The following POLR3GL variants were observed in gnomAD, a reference collection of about 807,000 sequenced individuals.
POLR3GL encodes RNA polymerase III subunit GL.
POLR3GL carries 26 observed loss-of-function variants against 32.4 expected under a neutral mutation model. That is an observed-to-expected ratio of 0.80 (90% CI 0.59 to 1.11). The LOEUF is 1.11. POLR3GL is among the 50% of genes most tolerant of loss of function. The pLI is 0.00. For synonymous variants in POLR3GL, 95 were observed against 98.7 expected (o/e 0.96, Z 0.22); for missense variants, 229 against 280.1 (o/e 0.82, Z 1.30).
chr1:145,969,341 T>C (rs1553762338), intron 1 of POLR3GL, among the ~76,000 whole-genome samples: 2 of 151,950 alleles, frequency 1.3e-5, no homozygotes, highest in African/African-American at 2.4e-5. Flanking sequence ...CTCGGCTCAC[T>C]GCAACCTCCA....
chr1:145,975,118 A>T (rs1650493608), intron 2 of POLR3GL, 127 bp downstream of exon 2: 2 of 1,331,252 alleles, frequency 1.5e-6, no homozygotes, highest in African/African-American at 2.9e-5. Flanking sequence ...CCCAATGCAC[A>T]GGGATGTTTT....
chr1:145,978,642 C>T lies in POLR3GL; in HGVS notation c.*195C>T. 2 of 588,606 alleles carry T rather than the reference C, an allele frequency of 3.4e-6. No homozygotes were observed. The highest frequency in any genetic ancestry group is 5.6e-5 in the East Asian group (2 of 35,780). The allele number at this position is 588,606 out of a possible 1,614,324, so 36.5% of individuals were successfully genotyped here. A position where few individuals can be genotyped will look rare whatever the true frequency, so the allele number is the denominator to read the frequency against. On this transcript the variant is annotated 3_prime_UTR_variant, in exon 8 of 8. Transcript: ENST00000369314. The stretch of plus-strand genomic sequence containing the variant: ...TCCACATTTGTATCACCTTTGCTAT[C>T]TTGGGGAAAGTGCAAAGGACAAACA...
intron 7 of POLR3GL, 21 bp downstream of exon 7, chr1:145,978,117 C>T (rs1650648805): frequency 6.3e-7 from 1 of 1,576,396 alleles, no homozygotes; most frequent in Non-Finnish European, 8.6e-7. Context: ...CTCCTTCCAC[C>T]TTAGTCCCCC....
intron 3 of POLR3GL, among the ~76,000 whole-genome samples, chr1:145,976,397 T>C (rs1338117988): frequency 6.7e-6 from 1 of 150,308 alleles, no homozygotes; most frequent in Non-Finnish European, 1.5e-5. Context: ...GCCAACATAG[T>C]GAAACCCCGT....
chr1:145,974,748 A>T, intron 1 of POLR3GL, 77 bp from the exon 2 acceptor site: 1 of 1,004,162 alleles, frequency 1.0e-6, no homozygotes, highest in Middle Eastern at 2.7e-4. Flanking sequence ...GAGATAAAAG[A>T]TTGAATGTCT....
chr1:145,972,971 TTA>T (rs1474992063), intron 1 of POLR3GL, among the ~76,000 whole-genome samples: 9 of 152,132 alleles, frequency 5.9e-5, no homozygotes, highest in African/African-American at 2.2e-4. Context: ...AGTGCTGGGA[TTA>T]TAGCAATGAG....
At position 145,975,659 on chromosome 1, in the gene POLR3GL, G is replaced by A. The variant is rs587675869; in HGVS notation, c.256+223G>A. Among the ~76,000 whole-genome samples the A allele has an allele frequency of 3.9e-5, 6 of 152,238 alleles. No homozygotes were observed. In the South Asian group the frequency reaches 8.3e-4, roughly 21 times the overall value. ...GTTAAATATTAAAATCCCATTTCACGTGTATAAGTAGGGGGATGTATTTTC... is the reference window on the plus strand; with the variant it reads ...GTTAAATATTAAAATCCCATTTCACATGTATAAGTAGGGGGATGTATTTTC... On this transcript the variant is annotated intron_variant, in intron 3 of 7. Coordinates refer to ENST00000369314, the MANE Select transcript of POLR3GL (RefSeq NM_032305.3).
At chr1:145,967,623 G>T (rs1310331430) in intron 1 of POLR3GL, among the ~76,000 whole-genome samples, 1 of 152,112 alleles carries the variant, frequency 6.6e-6, no homozygotes, top group Non-Finnish European at 1.5e-5. Context: ...ACACATCAGC[G>T]TGCCCCAGGC....
intron 1 of POLR3GL, among the ~76,000 whole-genome samples, chr1:145,965,785 T>C (rs1570987578): frequency 1.3e-5 from 2 of 152,164 alleles, no homozygotes; most frequent in Non-Finnish European, 2.9e-5. Context: ...AAGAAATATA[T>C]AGCTAAAGGA....
At position 145,977,868 on chromosome 1, in the gene POLR3GL, C is replaced by G. The variant is rs1553763751; in HGVS notation, c.456+17C>G. Reference sequence around the variant, plus strand: ...AAACTAGAGGTGAGGAGGAAGTGTGCATAGAGACCTCCTGAGCCCTGGATC... The same window carrying G: ...AAACTAGAGGTGAGGAGGAAGTGTGGATAGAGACCTCCTGAGCCCTGGATC... On this transcript the variant is annotated intron_variant, in intron 6 of 7. Transcript: ENST00000369314. The G allele has an allele frequency of 6.2e-7, 1 of 1,612,872 alleles. No homozygotes were observed. The highest frequency in any genetic ancestry group is 8.5e-7 in the Non-Finnish European group (1 of 1,178,910).
chr1:145,977,214 T>C, intron 4 of POLR3GL, 62 bp downstream of exon 4: 1 of 1,406,546 alleles, frequency 7.1e-7, no homozygotes, highest in Non-Finnish European at 1.0e-6. Flanking sequence ...CTTCAAGCTA[T>C]TCCCACCACG....
intron 1 of POLR3GL, among the ~76,000 whole-genome samples, chr1:145,969,373 T>C (rs902733938): frequency 4.6e-5 from 7 of 151,944 alleles, no homozygotes; most frequent in African/African-American, 1.7e-4. Flanking sequence ...CAAGCGATTC[T>C]CCTGCCTCAG....
intron 1 of POLR3GL, among the ~76,000 whole-genome samples, chr1:145,966,116 CAAA>C (rs58691867): frequency 2.7e-4 from 10 of 37,142 alleles, no homozygotes; most frequent in African/African-American, 9.5e-4. Context: ...AACTCCCTCT[CAAA>C]AAAAAAAAAA....
chr1:145,972,012 A>ATATGTGTGTG (rs782186587), intron 1 of POLR3GL, among the ~76,000 whole-genome samples: 1 of 112,602 alleles, frequency 8.9e-6, no homozygotes, highest in African/African-American at 4.1e-5. Context: ...ATATATATAT[A>ATATGTGTGTG]CGTGTGTGTG....
chr1:145,976,912 C>CT (rs1650579519), intron 3 of POLR3GL, among the ~76,000 whole-genome samples, 172 bp from the exon 4 acceptor site: 1 of 101,486 alleles, frequency 9.9e-6, no homozygotes. Flanking sequence ...GACTCTGTCT[C>CT]AAAAAAAAAA....
intron 3 of POLR3GL, 128 bp from the exon 4 acceptor site, chr1:145,976,956 G>T: frequency 8.9e-6 from 6 of 670,656 alleles, no homozygotes; most frequent in Non-Finnish European, 1.3e-5. Flanking sequence ...CACTGAAGCT[G>T]ACCCCCTGGG....
chr1:145,975,554 A>G (rs1443747241), intron 3 of POLR3GL, 118 bp downstream of exon 3: 9 of 1,148,054 alleles, frequency 7.8e-6, no homozygotes, highest in Middle Eastern at 4.3e-4. Flanking sequence ...GGAGATCATA[A>G]TAGTTACCCC....
In POLR3GL at chr1:145,975,278, T is replaced by C. The variant is rs145172148; in HGVS notation, c.127-29T>C. 2.3e-4 allele frequency: 374 copies of C among 1,608,820 alleles called. No individual in the cohort carries two copies. In the African/African-American group the frequency reaches 4.3e-3, roughly 19 times the overall value. On this transcript the variant is annotated intron_variant, in intron 2 of 7. Coordinates refer to ENST00000369314, the MANE Select transcript of POLR3GL (RefSeq NM_032305.3). ...TAAATTTGTACTAGCATTTTCTCCC[T>C]GAACTGACCACTGCCCCTGCCTCTT...
Position 145,978,783 on chromosome 1 carries a change from G to A in POLR3GL, c.*336G>A, listed in dbSNP as rs1208003227. The A allele has an allele frequency of 8.4e-6, 2 of 238,316 alleles. No homozygotes were observed. The highest frequency in any genetic ancestry group is 1.6e-5 in the Non-Finnish European group (2 of 123,280). 14.8% of individuals were successfully genotyped at this position (238,316 alleles called of 1,614,324 possible). On this transcript the variant is annotated 3_prime_UTR_variant, in exon 8 of 8. Coordinates refer to ENST00000369314, the MANE Select transcript of POLR3GL (RefSeq NM_032305.3). Reference sequence around the variant, plus strand: ...ATATAGCTCTTTGTGGAGATAATTAGGGGTGGGAGCAGTTTGAAGGAGTAA... The same window carrying A: ...ATATAGCTCTTTGTGGAGATAATTAAGGGTGGGAGCAGTTTGAAGGAGTAA...
Sources: gnomAD v4.1 joint callset for allele counts (sites outside exome capture counted in the v4.1 genomes callset) on GRCh38, gnomAD v4.1.1 for gene constraint, MANE v1.5 for transcripts, NCBI Gene and HGNC (gene_info 2026-07-23, HGNC 2026-07-21) for gene names.